Variants in MYO5B observed in about 807,000 individuals in gnomAD.
MYO5B encodes unconventional myosin-Vb.
In MYO5B, 143 loss-of-function variants were observed where a neutral mutation model predicts 229.3. That is an observed-to-expected ratio of 0.62 (90% CI 0.54 to 0.72). MYO5B has a LOEUF of 0.72. Ranked by LOEUF, MYO5B falls within the 30% of genes least tolerant of loss-of-function variation. The pLI, the probability that MYO5B is intolerant of heterozygous loss-of-function variation, is 0.00. For missense variants in MYO5B, 2,321 were observed against 2,331.0 expected (o/e 1.00, Z 0.09); for synonymous variants, 918 against 885.2 (o/e 1.04, Z -0.66).
At chr18:50,187,825 GTTC>G (rs564712385) in intron 1 of MYO5B, among the ~76,000 whole-genome samples, 37 of 152,230 alleles carry the variant, frequency 2.4e-4, no homozygotes, top group African/African-American at 7.9e-4. Context: ...CTTGACCAAT[GTTC>G]TTCAAGTGTC....
rs776472152 is a variant in MYO5B, at chr18:49,954,306, G to A, written c.1668+7C>T. 15 of 1,613,742 alleles carry A rather than the reference G, an allele frequency of 9.3e-6. No individual in the cohort carries two copies. In the African/African-American group the frequency reaches 1.6e-4, roughly 17 times the overall value. ...GGAATACCCGAGCCAACAGAGAGGA[G>A]AGCCACCTTGTCTGCAAAGTGGACG... On this transcript the variant is annotated splice_region_variant and intron_variant, in intron 13 of 39. Coordinates refer to ENST00000285039, the MANE Select transcript of MYO5B (RefSeq NM_001080467.3).
At chr18:50,191,099 T>G (rs1429274666) in intron 1 of MYO5B, among the ~76,000 whole-genome samples, 2 of 152,232 alleles carry the variant, frequency 1.3e-5, no homozygotes, top group Non-Finnish European at 2.9e-5. Flanking sequence ...TAACTTATGA[T>G]TCACATGCAT....
At chr18:49,981,871 A>G (rs6507959) in intron 8 of MYO5B, among the ~76,000 whole-genome samples, 4,721 of 152,294 alleles carry the variant, frequency 0.031, 228 homozygotes, top group African/African-American at 0.11. Context: ...AGGAAGACAG[A>G]TTAAAGCCAG....
intron 1 of MYO5B, chr18:50,064,261 A>C (rs2030763350): frequency 1.3e-5 from 2 of 153,036 alleles, no homozygotes; most frequent in Admixed American, 1.3e-4. Flanking sequence ...AGATCACTGA[A>C]AGCTCCCATT....
chr18:49,944,933 C>T (rs901111804), intron 14 of MYO5B, among the ~76,000 whole-genome samples: 3 of 152,160 alleles, frequency 2.0e-5, no homozygotes, highest in Non-Finnish European at 2.9e-5. Flanking sequence ...AAAGCAACTC[C>T]AGTGCTTGTC....
chr18:50,094,839 T>C lies in MYO5B; in HGVS notation c.28-39461A>G, dbSNP rs1465977204. Among the ~76,000 whole-genome samples, 3 of 99,560 alleles carry C rather than the reference T, an allele frequency of 3.0e-5. No individual in the cohort carries two copies. The East Asian group carries it at 9.9e-4, about 33-fold the overall frequency. The allele number at this position is 99,560 out of a possible 152,430, so 65.3% of individuals were successfully genotyped here. A position where few individuals can be genotyped will look rare whatever the true frequency, so the allele number is the denominator to read the frequency against. On this transcript the variant is annotated intron_variant, in intron 1 of 39. Coordinates refer to ENST00000285039, the MANE Select transcript of MYO5B (RefSeq NM_001080467.3). ...TTGCTCAGTAATATAAACCTGTACATTTTTTTTTAAAACAGTCTCGCTCTG... is the reference window on the plus strand; with the variant it reads ...TTGCTCAGTAATATAAACCTGTACACTTTTTTTTAAAACAGTCTCGCTCTG...
Position 49,853,469 on chromosome 18 carries a change from G to T in MYO5B, c.4201C>A (p.Arg1401=). 1 of 1,613,832 alleles carries T rather than the reference G, an allele frequency of 6.2e-7. No individual in the cohort carries two copies. The highest frequency in any genetic ancestry group is 8.5e-7 in the Non-Finnish European group (1 of 1,179,960). ...VEFGVQQEIS[R]LTNENLDLKE... Reference sequence around the variant, plus strand: ...CCCACCAGATTCTCGTTGGTCAGCCGGGATATTTCCTGCTGAACGCCGAAT... The same window carrying T: ...CCCACCAGATTCTCGTTGGTCAGCCTGGATATTTCCTGCTGAACGCCGAAT... Residue 1401 remains arginine (R), a synonymous_variant, in exon 31 of 40, where the codon CGG becomes AGG. Transcript: ENST00000285039.
intron 5 of MYO5B, among the ~76,000 whole-genome samples, chr18:49,993,879 T>A (rs189257180): frequency 6.6e-6 from 1 of 152,298 alleles, no homozygotes. Flanking sequence ...CCCTCTGAGA[T>A]ACAACTTTCA....
intron 2 of MYO5B, among the ~76,000 whole-genome samples, chr18:50,044,301 C>T (rs2030159235): frequency 6.6e-6 from 1 of 152,072 alleles, no homozygotes; most frequent in African/African-American, 2.4e-5. Context: ...TCTAATATTG[C>T]TGCTAGTGTC....
rs1171645106 is a variant in MYO5B at position 49,994,527 on chromosome 18, A to G, written c.613-2096T>C. ...CTCTGGAAGGAAGTGTAGGGGGAGAAAGTACAACCTTGGTATGTTGGATTG... is the reference window on the plus strand; with the variant it reads ...CTCTGGAAGGAAGTGTAGGGGGAGAGAGTACAACCTTGGTATGTTGGATTG... On this transcript the variant is annotated intron_variant, in intron 5 of 39. Transcript: ENST00000285039. Among the ~76,000 whole-genome samples the G allele has an allele frequency of 2.0e-5, 3 of 152,252 alleles. No homozygotes were observed. The East Asian group carries it at 5.8e-4, about 29-fold the overall frequency.
chr18:50,054,178 C>G (rs2030481095), intron 2 of MYO5B, among the ~76,000 whole-genome samples: 1 of 152,158 alleles, frequency 6.6e-6, no homozygotes, highest in South Asian at 2.1e-4. Flanking sequence ...ACACCCTACT[C>G]TTGGTCACCG....
chr18:49,839,141 T>A lies in MYO5B; in HGVS notation c.4852+3A>T, dbSNP rs2024025372. 5.0e-6 allele frequency: 8 copies of A among 1,613,108 alleles called. No individual in the cohort carries two copies. Among genetic ancestry groups the A allele is most frequent in the Non-Finnish European group, 6.8e-6 (8 of 1,179,998 alleles). On this transcript the variant is annotated splice_donor_region_variant and intron_variant, in intron 36 of 39. Transcript: ENST00000285039. Reference sequence around the variant, plus strand: ...TGATGTAGCTCTCCTGCTGCCAGCTTACCTATCATCGGCTGTAACACGCCC... The same window carrying A: ...TGATGTAGCTCTCCTGCTGCCAGCTAACCTATCATCGGCTGTAACACGCCC...
intron 17 of MYO5B, among the ~76,000 whole-genome samples, chr18:49,914,672 C>G (rs1316941209): frequency 6.7e-6 from 1 of 150,280 alleles, no homozygotes; most frequent in African/African-American, 2.5e-5. Flanking sequence ...ACCAGCTACT[C>G]AGGAGGCTGA....
At position 49,936,254 on chromosome 18, in the gene MYO5B, A is replaced by T; in HGVS notation, c.2001T>A (p.Phe667Leu). 1 of 1,591,432 alleles carries T rather than the reference A, an allele frequency of 6.3e-7. No homozygotes were observed. The highest frequency in any genetic ancestry group is 8.6e-7 in the Non-Finnish European group (1 of 1,167,610). Residue 667 changes from phenylalanine (F) to leucine (L), a missense_variant and splice_region_variant, in exon 16 of 40, where the codon TTT becomes TTA. Physicochemically the swap from Phe to Leu is conservative, Grantham distance 22. This residue lies in a region of MYO5B where 2,113 missense variants were observed against 2,044.7 expected (regional missense o/e 1.03). Transcript: ENST00000285039. The part of the protein sequence containing the change: ...CIKPNDEKLP[F>L]HFDPKRAVQQ... ...GCTAATGCCCAGCAGGCACTTACTGAAAGGGGAGCTTCTCATCGTTGGGCT... is the reference window on the plus strand; with the variant it reads ...GCTAATGCCCAGCAGGCACTTACTGTAAGGGGAGCTTCTCATCGTTGGGCT...
intron 4 of MYO5B, among the ~76,000 whole-genome samples, chr18:50,028,866 G>T (rs1376311426): frequency 6.6e-6 from 1 of 152,210 alleles, no homozygotes; most frequent in East Asian, 1.9e-4. Flanking sequence ...GTGATTTCAA[G>T]TTGAGATTTA....
chr18:49,850,957 A>C (rs1011775477), intron 31 of MYO5B: 2 of 152,400 alleles, frequency 1.3e-5, no homozygotes, highest in African/African-American at 4.8e-5. Flanking sequence ...TCCAGACTGG[A>C]TCGGGACCAG....
At chr18:50,055,011 T>C (rs1310310160) in intron 2 of MYO5B, among the ~76,000 whole-genome samples, 1 of 152,162 alleles carries the variant, frequency 6.6e-6, no homozygotes, top group Non-Finnish European at 1.5e-5. Flanking sequence ...CCACTGAAGA[T>C]TCCTGCCTTG....
intron 3 of MYO5B, 72 bp from the exon 4 acceptor site, chr18:50,037,066 T>C (rs2026456627): frequency 6.4e-7 from 1 of 1,570,376 alleles, no homozygotes; most frequent in Non-Finnish European, 8.7e-7. Flanking sequence ...AAGGCACCCA[T>C]CCATTCATAC....
intron 1 of MYO5B, among the ~76,000 whole-genome samples, chr18:50,135,715 T>C (rs897942342): frequency 2.6e-5 from 4 of 152,188 alleles, no homozygotes; most frequent in African/African-American, 7.2e-5. Context: ...CACGCTGTCT[T>C]ACTATTGTAA....
Sources: allele counts gnomAD v4.1 joint callset (sites outside exome capture counted in the v4.1 genomes callset), GRCh38; gene constraint gnomAD v4.1.1; regional missense constraint gnomAD v4.1.1; transcripts MANE v1.5; gene names NCBI Gene and HGNC (gene_info 2026-07-23, HGNC 2026-07-21).